The following CELF1 variants were observed in gnomAD, a reference collection of about 807,000 sequenced individuals.
The protein encoded by CELF1 is 50 kDa nuclear polyadenylated RNA-binding protein.
Under a neutral mutation model 61.8 loss-of-function variants are expected in CELF1, and 10 were observed. The ratio of observed to expected loss-of-function variants is 0.16; its 90% confidence interval spans 0.10 to 0.27. CELF1 has a LOEUF of 0.27. Ranked by LOEUF, CELF1 falls within the 10% of genes least tolerant of loss-of-function variation. CELF1 has a pLI of 1.00. For synonymous variants in CELF1, 236 were observed against 225.1 expected (o/e 1.05, Z -0.43); for missense variants, 380 against 639.1 (o/e 0.59, Z 4.37).
At chr11:47,475,577 G>C in intron 12 of CELF1, 56 bp from the exon 13 acceptor site, 1 of 1,565,160 alleles carries the variant, frequency 6.4e-7, no homozygotes, top group Non-Finnish European at 8.8e-7. Context: ...TGATGCCAAA[G>C]ACAAGTCTAC....
chr11:47,542,492 C>A (rs1054645283), intron 1 of CELF1, among the ~76,000 whole-genome samples: 11 of 150,076 alleles, frequency 7.3e-5, no homozygotes, highest in Middle Eastern at 6.8e-3. Context: ...TTGATACTTT[C>A]TCCATTTTTT....
chr11:47,487,977 C>T (rs374723477), intron 4 of CELF1, among the ~76,000 whole-genome samples: 2 of 152,082 alleles, frequency 1.3e-5, no homozygotes, highest in East Asian at 3.8e-4. Context: ...GCAGTTAGAA[C>T]TACAAATTAC....
intron 1 of CELF1, among the ~76,000 whole-genome samples, chr11:47,502,487 C>T (rs1485338682): frequency 6.6e-6 from 1 of 152,042 alleles, no homozygotes; most frequent in African/African-American, 2.4e-5. Context: ...GAAAGTTATT[C>T]ACAAAAAACT....
chr11:47,550,460 G>C (rs111998927), intron 1 of CELF1, among the ~76,000 whole-genome samples: 2,425 of 152,220 alleles, frequency 0.016, 51 homozygotes, highest in African/African-American at 0.048. Flanking sequence ...GAGCCCGGGG[G>C]ACAGGGTGTG....
At chr11:47,485,084 C>T (rs1316185369) in intron 6 of CELF1, among the ~76,000 whole-genome samples, 1 of 152,190 alleles carries the variant, frequency 6.6e-6, no homozygotes, top group African/African-American at 2.4e-5. Context: ...CCATTCTGTG[C>T]CTGTTTCCTC....
intron 3 of CELF1, among the ~76,000 whole-genome samples, chr11:47,494,021 C>G (rs1383466506): frequency 6.6e-6 from 1 of 152,192 alleles, no homozygotes; most frequent in Non-Finnish European, 1.5e-5. Context: ...CCTTACTTCC[C>G]CATTCAATGG....
intron 3 of CELF1, among the ~76,000 whole-genome samples, chr11:47,492,064 A>C (rs902149100): frequency 3.9e-5 from 6 of 152,146 alleles, no homozygotes; most frequent in Admixed American, 1.3e-4. Flanking sequence ...TGCAGCCTCG[A>C]CCTCCCAGGC....
chr11:47,537,908 T>TTTTTC (rs1311133019), intron 1 of CELF1, among the ~76,000 whole-genome samples: 1 of 151,866 alleles, frequency 6.6e-6, no homozygotes, highest in Non-Finnish European at 1.5e-5. Context: ...TGTTTTCTTT[T>TTTTTC]TTTTCTTTTC....
upstream of CELF1, among the ~76,000 whole-genome samples, chr11:47,557,139 A>T (rs1478926155): frequency 2.0e-5 from 3 of 151,676 alleles, no homozygotes; most frequent in Non-Finnish European, 1.5e-5. Flanking sequence ...ACCTCAAGTG[A>T]TCCGCCCGCC....
chr11:47,540,677 A>T (rs546791915), intron 1 of CELF1, among the ~76,000 whole-genome samples: 525 of 152,228 alleles, frequency 3.4e-3, no homozygotes, highest in Middle Eastern at 6.8e-3. Flanking sequence ...CGAGGTCAGG[A>T]GTTCAAGACC....
At chr11:47,558,579 A>ATATATTTATATATAAATATATAAATG (rs2097214057) in intron 2 of CELF1, among the ~76,000 whole-genome samples, 1 of 110,942 alleles carries the variant, frequency 9.0e-6, no homozygotes, top group Non-Finnish European at 1.7e-5. Flanking sequence ...ATATAAATAT[A>ATATATTTATATATAAATATATAAATG]TATATATATT....
intron 2 of CELF1, among the ~76,000 whole-genome samples, chr11:47,558,482 A>T (rs1223503339): frequency 3.2e-5 from 4 of 125,442 alleles, no homozygotes; most frequent in African/African-American, 1.3e-4. Flanking sequence ...TCATATATAT[A>T]TTATATATTT....
chr11:47,550,423 C>G (rs987152711), intron 1 of CELF1, among the ~76,000 whole-genome samples: 1 of 151,940 alleles, frequency 6.6e-6, no homozygotes, highest in Non-Finnish European at 1.5e-5. Flanking sequence ...CACAGCTACT[C>G]GGGAGGCTGA....
intron 3 of CELF1, among the ~76,000 whole-genome samples, chr11:47,496,208 G>T (rs984286990): frequency 3.3e-5 from 5 of 152,096 alleles, no homozygotes; most frequent in Non-Finnish European, 7.4e-5. Flanking sequence ...TATCATGTGG[G>T]GTGTTAGGTA....
chr11:47,546,123 G>A (rs1278557898), intron 1 of CELF1, among the ~76,000 whole-genome samples: 3 of 151,724 alleles, frequency 2.0e-5, no homozygotes, highest in Non-Finnish European at 2.9e-5. Flanking sequence ...TGTTAGCCAG[G>A]ATGGTCTCGA....
intron 1 of CELF1, chr11:47,524,619 C>T (rs994135007): frequency 1.3e-5 from 2 of 152,236 alleles, no homozygotes; most frequent in Non-Finnish European, 2.9e-5. Flanking sequence ...TGGCTGAGTC[C>T]TGAGCAGGTC....
intron 1 of CELF1, among the ~76,000 whole-genome samples, chr11:47,524,985 C>T (rs991502511): frequency 2.0e-5 from 3 of 152,108 alleles, no homozygotes; most frequent in African/African-American, 7.2e-5. Flanking sequence ...CCCTCAGCCA[C>T]GGGAAATGGA....
intron 1 of CELF1, among the ~76,000 whole-genome samples, chr11:47,508,597 C>T (rs949618444): frequency 7.7e-6 from 1 of 129,208 alleles, no homozygotes; most frequent in Non-Finnish European, 1.7e-5. Flanking sequence ...CCCAAAAGAA[C>T]AAAAAAACAA....
At chr11:47,508,041 G>A (rs1174306366) in intron 1 of CELF1, among the ~76,000 whole-genome samples, 2 of 152,120 alleles carry the variant, frequency 1.3e-5, no homozygotes, top group Non-Finnish European at 2.9e-5. Context: ...GACCATTTAA[G>A]GTGAGGACTA....
Sources: allele counts gnomAD v4.1 joint callset (sites outside exome capture counted in the v4.1 genomes callset), GRCh38; gene constraint gnomAD v4.1.1; transcripts MANE v1.5; gene names NCBI Gene and HGNC (gene_info 2026-07-23, HGNC 2026-07-21).